Variants in N4BP2 observed in about 807,000 individuals in gnomAD.
N4BP2 encodes NEDD4-binding protein 2.
In N4BP2, 91 loss-of-function variants were observed where a neutral mutation model predicts 152.8. The ratio of observed to expected loss-of-function variants is 0.60; its 90% confidence interval spans 0.50 to 0.71. The LOEUF (loss-of-function observed/expected upper bound fraction) is 0.71, where lower values mean the gene tolerates loss of function less well. Among genes scored for constraint, N4BP2 ranks in the 30% least tolerant of loss-of-function variants. The probability of loss-of-function intolerance (pLI) is 0.00; values close to 1 mark genes in which losing one functional copy is unlikely to be tolerated. For missense variants in N4BP2, 1,923 were observed against 2,059.1 expected (o/e 0.93, Z 1.28); for synonymous variants, 646 against 705.3 (o/e 0.92, Z 1.33).
intron 10 of N4BP2, 62 bp downstream of exon 10, chr4:40,123,274 G>C: frequency 8.8e-7 from 1 of 1,131,222 alleles, no homozygotes; most frequent in Non-Finnish European, 1.3e-6. Context: ...TTGAATTTCA[G>C]TGAAATCTAC....
chr4:40,092,864 G>A (rs949419267), intron 2 of N4BP2, among the ~76,000 whole-genome samples: 1 of 151,456 alleles, frequency 6.6e-6, no homozygotes, highest in Non-Finnish European at 1.5e-5. Context: ...GACTGGTCTC[G>A]AACTCCTGAC....
chr4:40,103,255 A>G, intron 4 of N4BP2, 37 bp downstream of exon 4: 1 of 1,527,078 alleles, frequency 6.5e-7, no homozygotes, highest in South Asian at 1.3e-5. Context: ...AAATAGTATA[A>G]TGTCTGAATT....
chr4:40,067,370 T>TA (rs1203252445), intron 1 of N4BP2, among the ~76,000 whole-genome samples: 1 of 139,952 alleles, frequency 7.1e-6, no homozygotes, highest in African/African-American at 2.6e-5. Context: ...TTTTTTTTTT[T>TA]AAGGCTGAAT....
chr4:40,146,868 GCTTT>G (rs765465516), intron 16 of N4BP2, among the ~76,000 whole-genome samples: 1 of 65,144 alleles, frequency 1.5e-5, no homozygotes. Context: ...TATGTGTTTG[GCTTT>G]TTTTTTTTTT....
At chr4:40,057,771 T>TA (rs1733329053) in intron 1 of N4BP2, among the ~76,000 whole-genome samples, 1 of 147,364 alleles carries the variant, frequency 6.8e-6, no homozygotes. Flanking sequence ...TTGGTTAAAA[T>TA]AGTTTTTTTT....
chr4:40,149,138 A>G (rs188735288), intron 16 of N4BP2, among the ~76,000 whole-genome samples: 12 of 152,328 alleles, frequency 7.9e-5, no homozygotes, highest in East Asian at 3.8e-4. Context: ...TAAAAACACA[A>G]TATGTCTTTA....
intron 2 of N4BP2, among the ~76,000 whole-genome samples, chr4:40,077,013 A>G (rs62302105): frequency 2.6e-5 from 4 of 152,078 alleles, no homozygotes; most frequent in Non-Finnish European, 5.9e-5. Flanking sequence ...TATATATTAC[A>G]TATAGAGAGA....
chr4:40,130,662 A>G (rs1448156581), intron 12 of N4BP2, among the ~76,000 whole-genome samples: 1 of 152,190 alleles, frequency 6.6e-6, no homozygotes, highest in African/African-American at 2.4e-5. Context: ...ACACCTGGCC[A>G]GCTTTTAAAA....
intron 12 of N4BP2, among the ~76,000 whole-genome samples, chr4:40,130,720 T>TC (rs1435467445): frequency 6.6e-6 from 1 of 152,174 alleles, no homozygotes. Flanking sequence ...CAGGTTGGTC[T>TC]TGAACTCTTG....
rs867093955 is a variant in N4BP2 at position 40,155,389 on chromosome 4, T to G, written c.*1152T>G. The G allele has an allele frequency of 9.9e-4, 148 of 149,878 alleles. No homozygotes were observed. Among genetic ancestry groups the G allele is most frequent in the African/African-American group, 3.5e-3 (141 of 40,656 alleles). 9.3% of individuals were successfully genotyped at this position (149,878 alleles called of 1,614,324 possible). A position where few individuals can be genotyped will look rare whatever the true frequency, so the allele number is the denominator to read the frequency against. ...CTCAGCCTGGGTGACAGAGCAAGAC[T>G]CCGTCTCCAAAAAAAAAAAAGAAAA... is the stretch of plus-strand genomic sequence containing the variant. On this transcript the variant is annotated 3_prime_UTR_variant, in exon 18 of 18. Transcript: ENST00000261435.
At chr4:40,187,456 T>C in the N4BP2 span, among the ~76,000 whole-genome samples, 4 of 152,268 alleles carry the variant, frequency 2.6e-5, no homozygotes, top group Admixed American at 1.3e-4. Context: ...TATGTCACTA[T>C]ATGACACAGT....
At chr4:40,059,673 C>T (rs546931296) in intron 1 of N4BP2, among the ~76,000 whole-genome samples, 1 of 151,100 alleles carries the variant, frequency 6.6e-6, no homozygotes, top group East Asian at 1.9e-4. Flanking sequence ...TTTTTTGATA[C>T]CTACCTTGCC....
In N4BP2 at chr4:40,097,409, C is replaced by T. The variant is rs1214637333; in HGVS notation, c.69C>T (p.Val23=). ...AGACTGCAAACCCTAAGGAAGTTGT[C>T]GTATCCAGTGTTGCTAGTCGTGAGG... ...FRKTANPKEV[V]VSSVASREEP... is the part of the protein sequence containing the mutation. Residue 23 remains valine, a synonymous_variant, in exon 3 of 18, where the codon GTC becomes GTT. Transcript: ENST00000261435. 4.3e-6 allele frequency: 7 copies of T among 1,613,928 alleles called. No homozygotes were observed. Among genetic ancestry groups the T allele is most frequent in the Middle Eastern group, 1.6e-4 (1 of 6,084 alleles).
At position 40,120,971 on chromosome 4, in the gene N4BP2, A is replaced by G. The variant is rs768701076; in HGVS notation, c.2860A>G (p.Ser954Gly). The change falls in exon 9 of 18, where the codon AGT becomes GGT. Residue 954 changes from serine (S) to glycine (G), a missense_variant. Coordinates refer to ENST00000261435, the MANE Select transcript of N4BP2 (RefSeq NM_018177.6). ...SNLGSSEMLL[S>G]EMTCESQTCL... ...TCTAGGAAGTTCTGAAATGCTGCTC[A>G]GTGAAATGACCTGTGAGAGTCAGAC... is the stretch of plus-strand genomic sequence containing the variant. The G allele has an allele frequency of 6.8e-6, 11 of 1,614,104 alleles. No individual in the cohort carries two copies. Among genetic ancestry groups the G allele is most frequent in the South Asian group, 2.2e-5 (2 of 91,088 alleles).
chr4:40,127,710 G>T (rs533408995), intron 12 of N4BP2, among the ~76,000 whole-genome samples: 1 of 151,962 alleles, frequency 6.6e-6, no homozygotes, highest in African/African-American at 2.4e-5. Flanking sequence ...GCCCAGGCTG[G>T]AGTGCAGTGG....
At chr4:40,172,924 C>T in the N4BP2 span, among the ~76,000 whole-genome samples, 15 of 152,242 alleles carry the variant, frequency 9.9e-5, no homozygotes, top group East Asian at 1.5e-3. Context: ...ATTGAATCTA[C>T]GAACTTTTTT....
chr4:40,109,949 G>A (rs1716714209), intron 5 of N4BP2, among the ~76,000 whole-genome samples: 3 of 152,248 alleles, frequency 2.0e-5, no homozygotes, highest in South Asian at 2.1e-4. Flanking sequence ...TTTAGAACAC[G>A]CTAAATTTTA....
rs910425639 is a variant in N4BP2 at position 40,156,563 on chromosome 4, T to A, written c.*2326T>A. 6.6e-6 allele frequency: 1 copy of A among 152,126 alleles called. No homozygotes were observed. Among genetic ancestry groups the A allele is most frequent in the African/African-American group, 2.4e-5 (1 of 41,428 alleles). The allele number at this position is 152,126 out of a possible 1,614,324, so 9.4% of individuals were successfully genotyped here. On this transcript the variant is annotated 3_prime_UTR_variant, in exon 18 of 18. Coordinates refer to ENST00000261435, the MANE Select transcript of N4BP2 (RefSeq NM_018177.6). ...ATAATTTTGAAAGAAAAGTTTGTAA[T>A]CCCTCCTTTCTTTTTTTTGCCCATT...
At chr4:40,058,414 C>T (rs377444914) in intron 1 of N4BP2, among the ~76,000 whole-genome samples, 3 of 151,976 alleles carry the variant, frequency 2.0e-5, no homozygotes, top group Non-Finnish European at 2.9e-5. Flanking sequence ...ATTTAAGTGC[C>T]GTGCTAGGAT....
Sources: gnomAD v4.1 joint callset for allele counts (sites outside exome capture counted in the v4.1 genomes callset) on GRCh38, gnomAD v4.1.1 for gene constraint, MANE v1.5 for transcripts, NCBI Gene and HGNC (gene_info 2026-07-23, HGNC 2026-07-21) for gene names.